EYA1: variants seen among roughly 807,000 people sequenced by gnomAD.
EYA1 encodes protein phosphatase EYA1.
Under a neutral mutation model 82.0 loss-of-function variants are expected in EYA1, and 16 were observed. The observed-to-expected ratio is 0.20, with a 90% CI of 0.13 to 0.30. The LOEUF is 0.30. EYA1 is among the 10% of genes least tolerant of loss of function. EYA1 has a pLI of 1.00. For missense variants in EYA1, 633 were observed against 730.7 expected (o/e 0.87, Z 1.54); for synonymous variants, 261 against 264.4 (o/e 0.99, Z 0.12).
chr8:71,369,032 CAAAAAAAAA>C (rs60647486), intron 2 of EYA1, among the ~76,000 whole-genome samples: 36,239 of 113,020 alleles, frequency 0.32, 4,970 homozygotes, highest in Admixed American at 0.41. Flanking sequence ...ACTAAAAATA[CAAAAAAAAA>C]AAAAAAAAAA....
intron 9 of EYA1, among the ~76,000 whole-genome samples, chr8:71,285,941 T>C (rs529636394): frequency 6.6e-6 from 1 of 152,306 alleles, no homozygotes. Flanking sequence ...ACCAAATATA[T>C]ACATAATAAC....
intron 2 of EYA1, among the ~76,000 whole-genome samples, chr8:71,524,857 C>G (rs928137676): frequency 6.6e-6 from 1 of 152,174 alleles, no homozygotes; most frequent in Non-Finnish European, 1.5e-5. Flanking sequence ...AAAAAGGTTT[C>G]TTTTCCCTTT....
chr8:71,202,546 C>T (rs1016321930), intron 17 of EYA1, among the ~76,000 whole-genome samples: 9 of 152,094 alleles, frequency 5.9e-5, no homozygotes, highest in African/African-American at 1.9e-4. Flanking sequence ...CACCCAGAAA[C>T]GAGGTCAAAG....
chr8:71,411,892 T>G (rs1424294475), intron 2 of EYA1, among the ~76,000 whole-genome samples: 3 of 150,440 alleles, frequency 2.0e-5, no homozygotes, highest in South Asian at 4.2e-4. Context: ...TATACCCAAA[T>G]GACTATAAAT....
chr8:71,420,145 A>G (rs1201606265), intron 2 of EYA1, among the ~76,000 whole-genome samples: 1 of 152,196 alleles, frequency 6.6e-6, no homozygotes, highest in Non-Finnish European at 1.5e-5. Flanking sequence ...TAATCTCATT[A>G]TAAGAGTTTT....
chr8:71,234,415 A>G (rs903546570), intron 12 of EYA1, among the ~76,000 whole-genome samples: 13 of 152,030 alleles, frequency 8.6e-5, no homozygotes, highest in African/African-American at 2.9e-4. Context: ...CATCTGGCTG[A>G]TGTCTTCCAC....
intron 2 of EYA1, among the ~76,000 whole-genome samples, chr8:71,492,104 A>T (rs1373291229): frequency 6.6e-6 from 1 of 152,154 alleles, no homozygotes; most frequent in African/African-American, 2.4e-5. Flanking sequence ...GTCCATTAGC[A>T]GTGGCCGACT....
intron 2 of EYA1, among the ~76,000 whole-genome samples, chr8:71,535,494 T>C (rs1486046562): frequency 1.3e-5 from 2 of 152,174 alleles, no homozygotes; most frequent in Non-Finnish European, 2.9e-5. Flanking sequence ...GATAATTACA[T>C]AATACTAAAG....
intron 11 of EYA1, among the ~76,000 whole-genome samples, chr8:71,268,628 G>A (rs1816152026): frequency 6.6e-6 from 1 of 152,044 alleles, no homozygotes. Flanking sequence ...GACATACTGT[G>A]TTTTACCGAT....
rs200074362 is a variant in EYA1 at position 71,216,794 on chromosome 8, A to G, written c.1258T>C (p.Leu420=). 1.9e-5 allele frequency: 31 copies of G among 1,614,176 alleles called. No individual in the cohort carries two copies. In the East Asian group the frequency reaches 6.5e-4, roughly 34 times the overall value. Residue 420 remains leucine, a synonymous_variant, in exon 14 of 18, where the codon TTG becomes CTG. Coordinates refer to ENST00000340726, the MANE Select transcript of EYA1 (RefSeq NM_000503.6). ...ACACCGCCCCGTACACCAGTTGCCAAACATAAGTTAGCACTGGTTGCTGCA... is the reference window on the plus strand; with the variant it reads ...ACACCGCCCCGTACACCAGTTGCCAGACATAAGTTAGCACTGGTTGCTGCA... ...PAAATSANLC[L]ATGVRGGVDW...
chr8:71,399,389 C>T (rs949571442), intron 2 of EYA1, among the ~76,000 whole-genome samples: 1 of 152,214 alleles, frequency 6.6e-6, no homozygotes, highest in Non-Finnish European at 1.5e-5. Context: ...CTGGGCTGTT[C>T]CTACTCGGCT....
At chr8:71,502,361 G>A (rs1370086972) in intron 2 of EYA1, among the ~76,000 whole-genome samples, 2 of 152,098 alleles carry the variant, frequency 1.3e-5, no homozygotes, top group South Asian at 2.1e-4. Context: ...GAAATAAACT[G>A]CCTGGCTTCT....
intron 11 of EYA1, among the ~76,000 whole-genome samples, chr8:71,256,727 C>T (rs1352196037): frequency 3.9e-5 from 6 of 152,252 alleles, no homozygotes; most frequent in African/African-American, 1.2e-4. Context: ...TGGCCAGGCA[C>T]GGTGGCTCAT....
chr8:71,502,439 G>A (rs1811878942), intron 2 of EYA1, among the ~76,000 whole-genome samples: 1 of 152,084 alleles, frequency 6.6e-6, no homozygotes, highest in African/African-American at 2.4e-5. Flanking sequence ...ATTTCTTGTA[G>A]GGTTGCCATA....
intron 7 of EYA1, among the ~76,000 whole-genome samples, chr8:71,315,923 T>C (rs1469689611): frequency 1.3e-5 from 2 of 152,126 alleles, no homozygotes; most frequent in Non-Finnish European, 2.9e-5. Context: ...TATGAAAAGG[T>C]TAATGATCTT....
intron 1 of EYA1, chr8:71,547,417 C>T (rs1283186239): frequency 6.6e-6 from 1 of 152,324 alleles, no homozygotes; most frequent in Non-Finnish European, 1.5e-5. Context: ...GCGCCCGACG[C>T]CACGGGCCTT....
intron 2 of EYA1, among the ~76,000 whole-genome samples, chr8:71,444,049 G>A (rs1806649788): frequency 6.6e-6 from 1 of 152,204 alleles, no homozygotes. Flanking sequence ...TCTACCGACT[G>A]AGTGAATGGT....
chr8:71,438,497 T>C (rs565853221), intron 2 of EYA1, among the ~76,000 whole-genome samples: 13 of 152,116 alleles, frequency 8.5e-5, no homozygotes, highest in Non-Finnish European at 1.3e-4. Flanking sequence ...GATCATAAGA[T>C]TTCGTAGAAG....
intron 6 of EYA1, among the ~76,000 whole-genome samples, chr8:71,320,707 T>G (rs1023896047): frequency 4.6e-5 from 7 of 152,136 alleles, no homozygotes. Flanking sequence ...TCATATACAG[T>G]TGATTTTGTT....
Sources: gnomAD v4.1 joint callset for allele counts (sites outside exome capture counted in the v4.1 genomes callset) on GRCh38, gnomAD v4.1.1 for gene constraint, MANE v1.5 for transcripts, NCBI Gene and HGNC (gene_info 2026-07-23, HGNC 2026-07-21) for gene names.